Variants in RYR3 observed in about 807,000 individuals in gnomAD.
RYR3 encodes ryanodine receptor 3.
Under a neutral mutation model 584.3 loss-of-function variants are expected in RYR3, and 207 were observed. That is an observed-to-expected ratio of 0.35 (90% confidence interval 0.32 to 0.40). The LOEUF (loss-of-function observed/expected upper bound fraction) is 0.40. RYR3 is among the 10% of genes least tolerant of loss of function. The pLI is 1.00. For missense variants in RYR3, 5,616 were observed against 6,089.2 expected (o/e 0.92, Z 2.59); for synonymous variants, 2,416 against 2,248.5 (o/e 1.07, Z -2.11).
At chr15:33,760,620 T>C (rs2072335710) in intron 60 of RYR3, among the ~76,000 whole-genome samples, 1 of 152,166 alleles carries the variant, frequency 6.6e-6, no homozygotes, top group African/African-American at 2.4e-5. Context: ...CTTAGAGACC[T>C]ACAAACAGAC....
rs1395735754 is a variant in RYR3, at chr15:33,842,040, G to A, written c.13209+5G>A. The stretch of plus-strand genomic sequence containing the variant: ...ATCTATCAGACCAAGTTACTGGTAA[G>A]CATTCCAACCTTGGCCCTGTTCATG... On this transcript the variant is annotated splice_donor_5th_base_variant and intron_variant, in intron 91 of 103. Coordinates refer to ENST00000634891, the MANE Select transcript of RYR3 (RefSeq NM_001036.6). 4.4e-6 allele frequency: 7 copies of A among 1,595,096 alleles called. No individual in the cohort carries two copies. In the East Asian group the frequency reaches 1.1e-4, roughly 26 times the overall value.
At chr15:33,466,750 A>G (rs548774804) in intron 1 of RYR3, among the ~76,000 whole-genome samples, 3 of 152,238 alleles carry the variant, frequency 2.0e-5, no homozygotes, top group Non-Finnish European at 2.9e-5. Context: ...ATTTTTATAC[A>G]TAAGCATATT....
intron 38 of RYR3, among the ~76,000 whole-genome samples, chr15:33,676,698 A>G (rs748751259): frequency 5.9e-5 from 9 of 152,238 alleles, no homozygotes; most frequent in Non-Finnish European, 1.2e-4. Context: ...TGGCAAACAA[A>G]ACAGATATCA....
At chr15:33,401,670 G>A (rs979176844) in intron 1 of RYR3, among the ~76,000 whole-genome samples, 2 of 152,150 alleles carry the variant, frequency 1.3e-5, no homozygotes, top group South Asian at 2.1e-4. Flanking sequence ...CCTTTAAGAC[G>A]TGGACCACCA....
intron 61 of RYR3, 22 bp downstream of exon 61, chr15:33,768,729 G>A: frequency 2.5e-6 from 4 of 1,610,950 alleles, no homozygotes; most frequent in Non-Finnish European, 3.4e-6. Flanking sequence ...GTTGCTCAAG[G>A]TACCGCTCCT....
At chr15:33,656,111 A>G (rs977747020) in intron 32 of RYR3, among the ~76,000 whole-genome samples, 1 of 152,260 alleles carries the variant, frequency 6.6e-6, no homozygotes, top group African/African-American at 2.4e-5. Flanking sequence ...AGACACAGGC[A>G]GCTATGAGGT....
intron 76 of RYR3, 90 bp from the exon 77 acceptor site, chr15:33,819,666 T>C (rs1281356512): frequency 1.3e-6 from 1 of 763,558 alleles, no homozygotes; most frequent in African/African-American, 2.0e-5. Flanking sequence ...AAGAGAAAAC[T>C]CTGTCTCAAA....
In RYR3 at chr15:33,669,529, C is replaced by T. The variant is rs2063692515; in HGVS notation, c.5722+73C>T. 14 of 1,301,476 alleles carry T rather than the reference C, an allele frequency of 1.1e-5. No individual in the cohort carries two copies. The South Asian group carries it at 1.6e-4, about 15-fold the overall frequency. The allele number at this position is 1,301,476 out of a possible 1,614,324, so 80.6% of individuals were successfully genotyped here. A position where few individuals can be genotyped will look rare whatever the true frequency, so the allele number is the denominator to read the frequency against. ...TGTTTTTGATTCCTTCATTAGAAAGCTAGTGGGAGGTTGGGAAGTTATTTT... is the reference window on the plus strand; with the variant it reads ...TGTTTTTGATTCCTTCATTAGAAAGTTAGTGGGAGGTTGGGAAGTTATTTT... On this transcript the variant is annotated intron_variant, in intron 37 of 103. Transcript: ENST00000634891.
intron 7 of RYR3, among the ~76,000 whole-genome samples, chr15:33,542,257 A>G (rs2055881591): frequency 2.0e-5 from 3 of 152,110 alleles, no homozygotes; most frequent in Admixed American, 2.0e-4. Context: ...AAGAAAAGTC[A>G]TGATGCACCA....
intron 1 of RYR3, among the ~76,000 whole-genome samples, chr15:33,417,903 T>C (rs1341811865): frequency 6.6e-6 from 1 of 152,188 alleles, no homozygotes; most frequent in East Asian, 1.9e-4. Context: ...TGTTGGATTT[T>C]ATTGAACGTT....
At chr15:33,458,847 A>G (rs1332377056) in intron 1 of RYR3, among the ~76,000 whole-genome samples, 1 of 152,218 alleles carries the variant, frequency 6.6e-6, no homozygotes, top group South Asian at 2.1e-4. Context: ...GGGGTCAACA[A>G]TGGCCTAGCC....
chr15:33,721,375 G>A (rs1464693944), intron 43 of RYR3, among the ~76,000 whole-genome samples: 1 of 152,178 alleles, frequency 6.6e-6, no homozygotes, highest in African/African-American at 2.4e-5. Context: ...CTAGCTTAGC[G>A]ACTTCAAAAT....
intron 67 of RYR3, among the ~76,000 whole-genome samples, chr15:33,799,835 G>C (rs1312458093): frequency 2.0e-5 from 3 of 152,122 alleles, no homozygotes; most frequent in Admixed American, 1.3e-4. Flanking sequence ...TTGAATTGTA[G>C]GACATTCAGT....
intron 50 of RYR3, 137 bp from the exon 51 acceptor site, chr15:33,739,695 G>A (rs148606912): frequency 4.9e-6 from 3 of 615,368 alleles, no homozygotes; most frequent in Non-Finnish European, 5.5e-6. Flanking sequence ...ATATTTAAGG[G>A]GTTACACATT....
intron 3 of RYR3, among the ~76,000 whole-genome samples, chr15:33,528,349 G>C (rs772723631): frequency 1.4e-4 from 22 of 152,158 alleles, no homozygotes; most frequent in Admixed American, 3.3e-4. Context: ...GTCCCCATAT[G>C]TGCTTTATTC....
chr15:33,701,679 GTCAAAGACAAA>G (rs2066313558), intron 42 of RYR3, among the ~76,000 whole-genome samples: 2 of 152,076 alleles, frequency 1.3e-5, no homozygotes, highest in South Asian at 4.2e-4. Context: ...ACGTGGGCAA[GTCAAAGACAAA>G]TCAAAGGTCA....
At chr15:33,326,401 A>G (rs935202915) in intron 1 of RYR3, among the ~76,000 whole-genome samples, 2 of 152,238 alleles carry the variant, frequency 1.3e-5, no homozygotes, top group African/African-American at 2.4e-5. Context: ...CCCATTTTCA[A>G]GGATCTTAAA....
At chr15:33,837,598 A>G in intron 88 of RYR3, 33 bp from the exon 89 acceptor site, 2 of 1,520,090 alleles carry the variant, frequency 1.3e-6, no homozygotes, top group South Asian at 1.3e-5. Context: ...GTTTATTTGT[A>G]TATTTGTATG....
chr15:33,511,341 A>AG (rs2052980605), intron 3 of RYR3, among the ~76,000 whole-genome samples: 1 of 151,720 alleles, frequency 6.6e-6, no homozygotes, highest in East Asian at 1.9e-4. Context: ...AAAAAAAAAA[A>AG]AAAAAAAAAA....
Sources: allele counts gnomAD v4.1 joint callset (sites outside exome capture counted in the v4.1 genomes callset), GRCh38; gene constraint gnomAD v4.1.1; transcripts MANE v1.5; gene names NCBI Gene and HGNC (gene_info 2026-07-23, HGNC 2026-07-21).